The following CCL17 variants were observed in gnomAD, a reference collection of about 807,000 sequenced individuals.
The protein encoded by CCL17 is C-C motif chemokine 17.
Under a neutral mutation model 7.4 loss-of-function variants are expected in CCL17, and 8 were observed. The ratio of observed to expected loss-of-function variants is 1.09; its 90% CI spans 0.64 to 1.96. The LOEUF is 1.96. CCL17 is among the 30% of genes most tolerant of loss of function. The pLI, the probability that CCL17 is intolerant of heterozygous loss-of-function variation, is 0.00. For missense variants in CCL17, 102 were observed against 113.0 expected (o/e 0.90, Z 0.44); for synonymous variants, 40 against 46.1 (o/e 0.87, Z 0.54).
At chr16:57,408,899 A>G (rs1250734984) in intron 1 of CCL17, among the ~76,000 whole-genome samples, 1 of 152,080 alleles carries the variant, frequency 6.6e-6, no homozygotes, top group Admixed American at 6.6e-5. Context: ...TTGTAGAGAC[A>G]GGGTTTCACC....
the CCL17 span, among the ~76,000 whole-genome samples, chr16:57,398,683 C>A: frequency 1.6e-3 from 242 of 152,296 alleles, no homozygotes; most frequent in African/African-American, 5.5e-3. Context: ...TAAGATTAGG[C>A]CTAGATATTT....
At chr16:57,410,652 T>C (rs962127556) in intron 1 of CCL17, among the ~76,000 whole-genome samples, 3 of 152,140 alleles carry the variant, frequency 2.0e-5, no homozygotes, top group Non-Finnish European at 4.4e-5. Flanking sequence ...TTCAGAATAG[T>C]TTGTCTGGAA....
upstream of CCL17, among the ~76,000 whole-genome samples, chr16:57,401,532 A>G (rs981983936): frequency 2.0e-5 from 3 of 151,950 alleles, no homozygotes; most frequent in South Asian, 6.2e-4. Flanking sequence ...TGGAAAAAAA[A>G]AAAAAAAGAA....
intron 1 of CCL17, among the ~76,000 whole-genome samples, chr16:57,405,132 G>A (rs1902675569): frequency 6.6e-6 from 1 of 152,158 alleles, no homozygotes; most frequent in African/African-American, 2.4e-5. Flanking sequence ...GACTGGATGG[G>A]GAAGGAAGCA....
chr16:57,415,914 A>C lies in CCL17; in HGVS notation c.*53A>C. 1 of 1,241,976 alleles carries C rather than the reference A, an allele frequency of 8.1e-7. No homozygotes were observed. The highest frequency in any genetic ancestry group is 1.2e-6 in the Non-Finnish European group (1 of 843,148). 76.9% of individuals were successfully genotyped at this position (1,241,976 alleles called of 1,614,324 possible). A position where few individuals can be genotyped will look rare whatever the true frequency, so the allele number is the denominator to read the frequency against. On this transcript the variant is annotated 3_prime_UTR_variant, in exon 4 of 4. Transcript: ENST00000219244. This position sits in a 1 kb window ranked among gnomAD's most constrained non-coding sequence, Gnocchi z 4.5. ...TCTCCCGGGACTACCTGGGACCTCC[A>C]CCGTTGGTGTTCACCGCCCCCACCC...
chr16:57,399,013 A>T, the CCL17 span, among the ~76,000 whole-genome samples: 1 of 152,218 alleles, frequency 6.6e-6, no homozygotes, highest in Non-Finnish European at 1.5e-5. Flanking sequence ...ATGCAGAAGA[A>T]GCCATCCTTG....
chr16:57,404,387 A>T (rs1394277774), upstream of CCL17, among the ~76,000 whole-genome samples: 1 of 152,108 alleles, frequency 6.6e-6, no homozygotes, highest in Non-Finnish European at 1.5e-5. Context: ...CAGAGACATG[A>T]GCTCACCCAA....
chr16:57,397,371 C>T, the CCL17 span, among the ~76,000 whole-genome samples: 9 of 152,268 alleles, frequency 5.9e-5, no homozygotes, highest in East Asian at 1.9e-4. Context: ...TTAACCATCC[C>T]GAGGGGAGAA....
chr16:57,413,771 C>T (rs1303631739), intron 1 of CCL17, 103 bp from the exon 2 acceptor site: 12 of 530,336 alleles, frequency 2.3e-5, no homozygotes, highest in African/African-American at 3.8e-5. Context: ...TCAAATTCTT[C>T]GAACTTCACT....
At chr16:57,409,643 T>A (rs1902753359) in intron 1 of CCL17, among the ~76,000 whole-genome samples, 1 of 152,082 alleles carries the variant, frequency 6.6e-6, no homozygotes, top group Admixed American at 6.5e-5. Context: ...CGCATGCAGG[T>A]AGCCAACTAA....
In CCL17 at chr16:57,414,015, G is replaced by T; in HGVS notation, c.70+13G>T. ...CACATCCACGCAGGTGAGAGCAGGG[G>T]ACAGGTGGCCAGGGGCAGGCACCGG... On this transcript the variant is annotated intron_variant, in intron 2 of 3. Coordinates refer to ENST00000219244, the MANE Select transcript of CCL17 (RefSeq NM_002987.3). The T allele has an allele frequency of 1.2e-6, 2 of 1,608,408 alleles. No individual in the cohort carries two copies.
chr16:57,402,539 A>G (rs1353987507), upstream of CCL17, among the ~76,000 whole-genome samples: 1 of 152,176 alleles, frequency 6.6e-6, no homozygotes, highest in African/African-American at 2.4e-5. Context: ...TTCTGTCACT[A>G]CACCCTGAGG....
At chr16:57,409,424 T>C (rs1567562986) in intron 1 of CCL17, among the ~76,000 whole-genome samples, 1 of 152,142 alleles carries the variant, frequency 6.6e-6, no homozygotes, top group Non-Finnish European at 1.5e-5. Flanking sequence ...CCTGGAGAAG[T>C]AGGCAGAAAT....
upstream of CCL17, among the ~76,000 whole-genome samples, chr16:57,402,571 A>G (rs1456289700): frequency 1.4e-4 from 21 of 152,282 alleles, no homozygotes; most frequent in Admixed American, 1.3e-3. Flanking sequence ...AATTTTCCCA[A>G]TGTCATCAGG....
chr16:57,399,090 A>T, the CCL17 span, among the ~76,000 whole-genome samples: 3 of 152,184 alleles, frequency 2.0e-5, no homozygotes, highest in Non-Finnish European at 4.4e-5. Context: ...GGTTGGGTAC[A>T]GCTGGATATA....
chr16:57,398,594 AC>A, the CCL17 span, among the ~76,000 whole-genome samples: 1 of 151,862 alleles, frequency 6.6e-6, no homozygotes, highest in East Asian at 1.9e-4. Flanking sequence ...AACCCCTGCA[AC>A]TGTTTTAATG....
chr16:57,401,508 A>G (rs1173486399), upstream of CCL17, among the ~76,000 whole-genome samples: 2 of 151,172 alleles, frequency 1.3e-5, no homozygotes, highest in Non-Finnish European at 2.9e-5. Flanking sequence ...TGGGAAACAG[A>G]GCAAGACTCT....
rs369547686 is a variant in CCL17 at position 57,415,083 on chromosome 16, C to G, written c.73C>G (p.Arg25Gly). Reference sequence around the variant, plus strand: ...CTGCCCCGCTCCTCTCCCTGCAGCTCGAGGGACCAATGTGGGCCGGGAGTG... The same window carrying G: ...CTGCCCCGCTCCTCTCCCTGCAGCTGGAGGGACCAATGTGGGCCGGGAGTG... The part of the protein sequence containing the change: ...GASLQHIHAA[R>G]GTNVGRECCL... Residue 25 changes from arginine to glycine, a missense_variant and splice_region_variant, in exon 3 of 4, where the codon CGA (arginine) becomes GGA (glycine). Arg to Gly is a moderately radical substitution (Grantham distance 125). Coordinates refer to ENST00000219244, the MANE Select transcript of CCL17 (RefSeq NM_002987.3). This position sits in a 1 kb window ranked among gnomAD's most constrained non-coding sequence, Gnocchi z 4.5. 6.2e-7 allele frequency: 1 copy of G among 1,609,364 alleles called. No individual in the cohort carries two copies. The highest frequency in any genetic ancestry group is 8.5e-7 in the Non-Finnish European group (1 of 1,175,778).
intron 1 of CCL17, among the ~76,000 whole-genome samples, chr16:57,406,021 G>A (rs1021456775): frequency 6.8e-6 from 1 of 147,560 alleles, no homozygotes; most frequent in Non-Finnish European, 1.5e-5. Flanking sequence ...CAGCCTGGGC[G>A]AAAGAGCAAG....
Sources: gnomAD v4.1 joint callset for allele counts (sites outside exome capture counted in the v4.1 genomes callset) on GRCh38, gnomAD v4.1.1 for gene constraint, Gnocchi (gnomAD v3.1) non-coding constraint, MANE v1.5 for transcripts, NCBI Gene and HGNC (gene_info 2026-07-23, HGNC 2026-07-21) for gene names.